CATSPER2: variants seen among roughly 807,000 people sequenced by gnomAD.
The protein encoded by CATSPER2 is cation channel sperm associated 2.
CATSPER2 carries 56 observed loss-of-function variants against 68.8 expected under a neutral mutation model. That is an observed-to-expected ratio of 0.81 (90% CI 0.66 to 1.02). The LOEUF is 1.02. Among genes scored for constraint, CATSPER2 ranks in the 50% least tolerant of loss-of-function variants. The pLI is 0.00. For synonymous variants in CATSPER2, 198 were observed against 229.9 expected, an observed-to-expected ratio of 0.86 and a Z score of 1.26; for missense variants, 582 against 642.0, an observed-to-expected ratio of 0.91 and a Z score of 1.01.
Position 43,639,660 on chromosome 15 carries a change from G to A in CATSPER2, c.700C>T (p.Leu234=). The A allele has an allele frequency of 1.2e-6, 2 of 1,612,978 alleles. No homozygotes were observed. Among genetic ancestry groups the A allele is most frequent in the Middle Eastern group, 1.7e-4 (1 of 6,054 alleles). Residue 234 remains leucine, a synonymous_variant, in exon 6 of 13, where the codon CTG becomes TTG. Coordinates refer to ENST00000396879, the MANE Select transcript of CATSPER2 (RefSeq NM_172095.4). ...CAAATCACCTTGAGGGCCCTGACCAGGACCAAAATAATAATTTGAATTTGA... is the reference window on the plus strand; with the variant it reads ...CAAATCACCTTGAGGGCCCTGACCAAGACCAAAATAATAATTTGAATTTGA... ...FRQIQIIILV[L]VRALKSMTFL...
chr15:43,634,402 G>A (rs1473135845), intron 10 of CATSPER2: 1 of 151,804 alleles, frequency 6.6e-6, no homozygotes, highest in Non-Finnish European at 1.5e-5. Context: ...TGTTCATAGA[G>A]ACAGGATTTT....
rs1211779119 is a variant in CATSPER2, at chr15:43,647,418, C to T, written c.195G>A (p.Val65=). The T allele has an allele frequency of 2.4e-5, 39 of 1,613,612 alleles. No homozygotes were observed. The highest frequency in any genetic ancestry group is 1.7e-4 in the Middle Eastern group (1 of 6,060). Residue 65 remains valine, a synonymous_variant, in exon 3 of 13, where the codon GTG becomes GTA. Coordinates refer to ENST00000396879, the MANE Select transcript of CATSPER2 (RefSeq NM_172095.4). ...TACGCTGAGGCTTTATAGAGAAACG[C>T]ACTAGCTGGTGTTGATCTCCCAATA... ...KLVLGDQHQL[V]RFSIKPQRIE... is the part of the protein sequence containing the mutation.
At position 43,647,461 on chromosome 15, in the gene CATSPER2, G is replaced by A. The variant is rs146109978; in HGVS notation, c.152C>T (p.Ser51Phe). The A allele has an allele frequency of 8.4e-5, 135 of 1,611,454 alleles. 1 individual carries two copies. The highest frequency in any genetic ancestry group is 1.1e-4 in the Non-Finnish European group (133 of 1,178,848). Residue 51 changes from serine (S) to phenylalanine (F), a missense_variant, in exon 3 of 13, where the codon TCC (serine) becomes TTC (phenylalanine). Transcript: ENST00000396879. ...RHTIRELLDP[S>F]RQKKLVLGDQ... The stretch of plus-strand genomic sequence containing the variant: ...TCCCAATACAAGTTTCTTCTGGCGG[G>A]AAGGATCTACAACAAAAATTAAAAA...
chr15:43,641,167 A>G (rs1235942038), intron 4 of CATSPER2, among the ~76,000 whole-genome samples: 1 of 148,894 alleles, frequency 6.7e-6, no homozygotes, highest in Non-Finnish European at 1.5e-5. Context: ...CCCAGGCTGG[A>G]GTGCAATGGT....
intron 7 of CATSPER2, among the ~76,000 whole-genome samples, chr15:43,636,575 G>A (rs2085968388): frequency 6.6e-6 from 1 of 151,460 alleles, no homozygotes; most frequent in African/African-American, 2.4e-5. Flanking sequence ...ATTTTTAGTA[G>A]AGATGGGGTT....
intron 5 of CATSPER2, 102 bp from the exon 6 acceptor site, chr15:43,639,900 C>A: frequency 6.2e-7 from 1 of 1,603,476 alleles, no homozygotes; most frequent in Non-Finnish European, 8.5e-7. Context: ...TGGGCGTTAT[C>A]CCTTGAATAG....
intron 1 of CATSPER2, 83 bp from the exon 2 acceptor site, chr15:43,648,146 C>A (rs2086207250): frequency 6.6e-7 from 1 of 1,504,762 alleles, no homozygotes; most frequent in South Asian, 1.1e-5. Flanking sequence ...CCCTCCTCCC[C>A]ACCCTCTTTA....
At position 43,641,241 on chromosome 15, in the gene CATSPER2, C is replaced by A. The variant is rs146163343; in HGVS notation, c.389-745G>T. On this transcript the variant is annotated intron_variant, in intron 4 of 12. Coordinates refer to ENST00000396879, the MANE Select transcript of CATSPER2 (RefSeq NM_172095.4). Reference sequence around the variant, plus strand: ...AAGCAATTCTCCTGCCTCAGCCTTCCGAGTAGCTGGGATTACAGGCATGCA... The same window carrying A: ...AAGCAATTCTCCTGCCTCAGCCTTCAGAGTAGCTGGGATTACAGGCATGCA... 5.4e-3 allele frequency among the ~76,000 whole-genome samples: 825 copies of A among 151,468 alleles called. 17 individuals are homozygous for A. The highest frequency in any genetic ancestry group is 0.02 in the African/African-American group (807 of 41,284).
Position 43,635,425 on chromosome 15 carries a change from C to CAAA in CATSPER2, c.1122-12_1122-10dup. The stretch of plus-strand genomic sequence containing the variant: ...GTGACATGTTTTTTCTCCTGCAGAG[C>CAAA]AAAAAAAAAAAAGAGCAAAGACAGT... On this transcript the variant is annotated splice_polypyrimidine_tract_variant and intron_variant, in intron 9 of 12. Transcript: ENST00000396879. The CAAA allele has an allele frequency of 1.5e-6, 2 of 1,373,206 alleles. No homozygotes were observed. Among genetic ancestry groups the CAAA allele is most frequent in the African/African-American group, 1.8e-5 (1 of 55,250 alleles). 85.1% of individuals were successfully genotyped at this position (1,373,206 alleles called of 1,614,324 possible).
At position 43,647,349 on chromosome 15, in the gene CATSPER2, A is replaced by C. The variant is rs1416144868; in HGVS notation, c.264T>G (p.His88Gln). 1.2e-6 allele frequency: 2 copies of C among 1,612,926 alleles called. No homozygotes were observed. The highest frequency in any genetic ancestry group is 2.2e-5 in the South Asian group (2 of 91,026). Residue 88 changes from histidine (H) to glutamine (Q), a missense_variant, in exon 3 of 13, where the codon CAT (histidine) becomes CAG (glutamine). His to Gln is a conservative substitution (Grantham distance 24, BLOSUM62 0). Around this residue, in one of 5 missense-constraint regions of CATSPER2, gnomAD observed 197 missense variants for 191.0 expected, o/e 1.03. Transcript: ENST00000396879. ...GAGGTGGCCTCTGACTGCAGCGCAC[A>C]TGAAGCCTGCTCAACAGCCTCTGGG... is the stretch of plus-strand genomic sequence containing the variant. ...SHAQRLLSRL[H>Q]VRCSQRPPLS...
rs1216429873 is a variant in CATSPER2, at chr15:43,630,504, G to T, written c.*197C>A. 3 of 1,201,654 alleles carry T rather than the reference G, an allele frequency of 2.5e-6. No homozygotes were observed. The highest frequency in any genetic ancestry group is 4.6e-5 in the Admixed American group (2 of 43,376). 74.4% of individuals were successfully genotyped at this position (1,201,654 alleles called of 1,614,324 possible). A position where few individuals can be genotyped will look rare whatever the true frequency, so the allele number is the denominator to read the frequency against. On this transcript the variant is annotated 3_prime_UTR_variant, in exon 13 of 13. Transcript: ENST00000396879. The stretch of plus-strand genomic sequence containing the variant: ...CAAGTAGCTATGATTACAAGCATCT[G>T]CCACCACACCCAGCTAATTTTTTTG...
intron 1 of CATSPER2, 64 bp from the exon 2 acceptor site, chr15:43,648,127 T>C: frequency 6.3e-7 from 1 of 1,577,528 alleles, no homozygotes; most frequent in Non-Finnish European, 8.7e-7. Context: ...GGATTACAGG[T>C]TTTCTGTCCC....
At position 43,632,210 on chromosome 15, in the gene CATSPER2, T is replaced by G. The variant is rs1441614512; in HGVS notation, c.1550A>C (p.Gln517Pro). 1 of 1,613,450 alleles carries G rather than the reference T, an allele frequency of 6.2e-7. No individual in the cohort carries two copies. The highest frequency in any genetic ancestry group is 1.3e-5 in the African/African-American group (1 of 74,808). ...QYNLEERKKL[Q>P]EFAVQALMNL... Reference sequence around the variant, plus strand: ...CCCTAACTCCATACCTGCAAACTCTTGTAACTTCTTACGTTCCTCTAGGTT... The same window carrying G: ...CCCTAACTCCATACCTGCAAACTCTGGTAACTTCTTACGTTCCTCTAGGTT... Residue 517 changes from glutamine to proline, a missense_variant, in exon 12 of 13, where the codon CAA (glutamine) becomes CCA (proline). Around this residue, in one of 5 missense-constraint regions of CATSPER2, gnomAD observed 235 missense variants for 264.2 expected, o/e 0.89. Transcript: ENST00000396879.
At chr15:43,644,152 T>G (rs1220650637) in intron 4 of CATSPER2, among the ~76,000 whole-genome samples, 2 of 152,032 alleles carry the variant, frequency 1.3e-5, no homozygotes, top group Non-Finnish European at 2.9e-5. Flanking sequence ...AATATCCAGT[T>G]GTGGAAGCAG....
At chr15:43,638,462 T>C (rs1252781605) in intron 7 of CATSPER2, among the ~76,000 whole-genome samples, 1 of 151,392 alleles carries the variant, frequency 6.6e-6, no homozygotes, top group East Asian at 1.9e-4. Context: ...CTAATTTTTG[T>C]ATTTTTGGTA....
At chr15:43,633,860 G>A (rs1483877912) in intron 10 of CATSPER2, 2 of 151,854 alleles carry the variant, frequency 1.3e-5, no homozygotes, top group Non-Finnish European at 2.9e-5. Context: ...GGGAGGCTGA[G>A]GCAGGAGAGT....
chr15:43,632,814 G>A lies in CATSPER2; in HGVS notation c.1299C>T (p.Thr433=). 1 of 1,613,618 alleles carries A rather than the reference G, an allele frequency of 6.2e-7. No homozygotes were observed. Among genetic ancestry groups the A allele is most frequent in the East Asian group, 2.2e-5 (1 of 44,862 alleles). The change falls in exon 11 of 13, where the codon ACC becomes ACT. Residue 433 remains threonine, a synonymous_variant. Coordinates refer to ENST00000396879, the MANE Select transcript of CATSPER2 (RefSeq NM_172095.4). ...LITSASKTEE[T]LSKKREYQSS... The stretch of plus-strand genomic sequence containing the variant: ...ACTGGTACTCTCTCTTTTTTGACAA[G>A]GTCTCTTCTGTTTTTGATGCAGATG...
intron 7 of CATSPER2, among the ~76,000 whole-genome samples, chr15:43,636,590 C>G (rs1486041851): frequency 6.6e-6 from 1 of 151,324 alleles, no homozygotes; most frequent in South Asian, 2.1e-4. Context: ...GGGGTTTTGT[C>G]ATGTTGGCCA....
chr15:43,634,909 T>C (rs1317761965), intron 10 of CATSPER2: 3 of 196,312 alleles, frequency 1.5e-5, no homozygotes, highest in African/African-American at 2.4e-5. Flanking sequence ...CAGGGCCATA[T>C]TCCCTCTGGA....
Sources: allele counts gnomAD v4.1 joint callset (sites outside exome capture counted in the v4.1 genomes callset), GRCh38; gene constraint gnomAD v4.1.1; regional missense constraint gnomAD v4.1.1; transcripts MANE v1.5; gene names NCBI Gene and HGNC (gene_info 2026-07-23, HGNC 2026-07-21).